Variants in KHDRBS2 observed in about 807,000 individuals in gnomAD.
KHDRBS2 encodes the protein KH RNA binding domain containing, signal transduction associated 2.
KHDRBS2 carries 26 observed loss-of-function variants against 44.3 expected under a neutral mutation model. That is an observed-to-expected ratio of 0.59 (90% confidence interval 0.43 to 0.81). The LOEUF (loss-of-function observed/expected upper bound fraction) is 0.81. KHDRBS2 is among the 40% of genes least tolerant of loss of function. The pLI is 0.00. For synonymous variants in KHDRBS2, 194 were observed against 151.1 expected (o/e 1.28, Z -2.08); for missense variants, 476 against 433.1 (o/e 1.10, Z -0.88).
chr6:61,767,127 G>T (rs2127574752), intron 6 of KHDRBS2, among the ~76,000 whole-genome samples: 1 of 152,022 alleles, frequency 6.6e-6, no homozygotes, highest in African/African-American at 2.4e-5. Flanking sequence ...TTATATATCT[G>T]GGTGCTCCAA....
chr6:61,971,161 A>C (rs569987755), intron 4 of KHDRBS2, among the ~76,000 whole-genome samples: 163 of 152,168 alleles, frequency 1.1e-3, no homozygotes, highest in Non-Finnish European at 1.8e-3. Context: ...ATTTTAAGGC[A>C]TTGTTATATA....
intron 6 of KHDRBS2, among the ~76,000 whole-genome samples, chr6:61,889,215 T>C (rs373112838): frequency 1.3e-5 from 2 of 152,178 alleles, no homozygotes; most frequent in East Asian, 3.9e-4. Flanking sequence ...AATAGAGTCT[T>C]GAGAGGCTGA....
the KHDRBS2 span, among the ~76,000 whole-genome samples, chr6:61,555,145 A>G: frequency 1.3e-5 from 2 of 152,262 alleles, no homozygotes; most frequent in Admixed American, 1.3e-4. Context: ...AATGCCAATG[A>G]GTCATAAATT....
Position 61,945,110 on chromosome 6 carries a change from AAAGT to A in KHDRBS2, c.483+32952_483+32955del, listed in dbSNP as rs1380495987. Among the ~76,000 whole-genome samples the A allele has an allele frequency of 2.2e-4, 10 of 46,274 alleles. 1 individual carries two copies. The highest frequency in any genetic ancestry group is 1.3e-3 in the East Asian group (3 of 2,278). The allele number at this position is 46,274 out of a possible 152,430, so 30.4% of individuals were successfully genotyped here. A position where few individuals can be genotyped will look rare whatever the true frequency, so the allele number is the denominator to read the frequency against. ...TGTCTTAAAAAAAAAAAAAAAAAAAAAAGTATATATATATATATATATATATATA... is the reference window on the plus strand; with the variant it reads ...TGTCTTAAAAAAAAAAAAAAAAAAAAATATATATATATATATATATATATA... On this transcript the variant is annotated intron_variant, in intron 4 of 8. Coordinates refer to ENST00000281156, the MANE Select transcript of KHDRBS2 (RefSeq NM_152688.4).
At chr6:62,052,542 C>A (rs1007915484) in intron 2 of KHDRBS2, among the ~76,000 whole-genome samples, 2 of 146,216 alleles carry the variant, frequency 1.4e-5, no homozygotes, top group Non-Finnish European at 3.0e-5. Flanking sequence ...TGTACACTGG[C>A]AATCCTCAAC....
At chr6:61,940,159 G>A (rs551021103) in intron 4 of KHDRBS2, among the ~76,000 whole-genome samples, 25 of 151,454 alleles carry the variant, frequency 1.7e-4, no homozygotes, top group South Asian at 1.5e-3. Flanking sequence ...TATATTTAAC[G>A]GAACAACAAA....
chr6:61,734,588 T>A (rs75523644), intron 6 of KHDRBS2, among the ~76,000 whole-genome samples: 4,559 of 152,158 alleles, frequency 0.03, 230 homozygotes, highest in African/African-American at 0.1. Flanking sequence ...CCCAATATAG[T>A]TTCATCATAA....
intron 6 of KHDRBS2, among the ~76,000 whole-genome samples, chr6:61,780,457 C>A (rs1782763978): frequency 1.3e-5 from 2 of 152,146 alleles, no homozygotes; most frequent in Admixed American, 6.6e-5. Flanking sequence ...CACCAGTACA[C>A]TTCAGCCTGG....
chr6:62,178,580 G>T (rs556005132), intron 1 of KHDRBS2, among the ~76,000 whole-genome samples: 137 of 151,646 alleles, frequency 9.0e-4, no homozygotes, highest in African/African-American at 3.3e-3. Flanking sequence ...TTGTCTAGTT[G>T]AGAAACGAGG....
At chr6:61,719,061 A>G (rs1771914795) in intron 7 of KHDRBS2, among the ~76,000 whole-genome samples, 1 of 152,158 alleles carries the variant, frequency 6.6e-6, no homozygotes, top group Non-Finnish European at 1.5e-5. Flanking sequence ...CTCCTAGTAC[A>G]TTCTCCACAG....
the KHDRBS2 span, among the ~76,000 whole-genome samples, chr6:61,557,436 A>G: frequency 6.6e-6 from 1 of 152,240 alleles, no homozygotes; most frequent in Admixed American, 6.5e-5. Context: ...TAAAACAGCA[A>G]TAATATTTTC....
intron 6 of KHDRBS2, among the ~76,000 whole-genome samples, chr6:61,830,358 T>G (rs1381542538): frequency 6.6e-6 from 1 of 152,192 alleles, no homozygotes; most frequent in African/African-American, 2.4e-5. Flanking sequence ...TTGTTAGAGG[T>G]CTTCTCTGAT....
At chr6:62,198,346 AAT>A (rs1219066477) in intron 1 of KHDRBS2, among the ~76,000 whole-genome samples, 1 of 152,190 alleles carries the variant, frequency 6.6e-6, no homozygotes, top group African/African-American at 2.4e-5. Context: ...TAGCAAGACT[AAT>A]AAAGAAGAAA....
intron 3 of KHDRBS2, among the ~76,000 whole-genome samples, chr6:61,990,719 T>C (rs1027137205): frequency 3.9e-5 from 6 of 152,030 alleles, no homozygotes; most frequent in African/African-American, 1.4e-4. Flanking sequence ...TTTTTTTTTT[T>C]TCCTTTTGAG....
chr6:62,122,902 G>C (rs556092519), intron 2 of KHDRBS2, among the ~76,000 whole-genome samples: 1 of 125,646 alleles, frequency 8.0e-6, no homozygotes, highest in South Asian at 2.5e-4. Flanking sequence ...ACTTTTTGAC[G>C]TTTTTTAATA....
At chr6:61,865,419 C>A (rs1318505012) in intron 6 of KHDRBS2, among the ~76,000 whole-genome samples, 1 of 152,082 alleles carries the variant, frequency 6.6e-6, no homozygotes, top group African/African-American at 2.4e-5. Flanking sequence ...TGGATAGCAG[C>A]AGGCAAAAAG....
At chr6:62,002,784 T>C (rs541946500) in intron 3 of KHDRBS2, among the ~76,000 whole-genome samples, 1 of 151,662 alleles carries the variant, frequency 6.6e-6, no homozygotes, top group South Asian at 2.1e-4. Flanking sequence ...AGATAAAATA[T>C]AGTATAGGTT....
chr6:61,592,454 A>C, the KHDRBS2 span, among the ~76,000 whole-genome samples: 371 of 152,278 alleles, frequency 2.4e-3, 2 homozygotes, highest in African/African-American at 8.6e-3. Context: ...AGCAGACCTC[A>C]GAAAGAATAG....
At chr6:62,265,665 A>G (rs1463716392) in intron 1 of KHDRBS2, among the ~76,000 whole-genome samples, 1 of 152,022 alleles carries the variant, frequency 6.6e-6, no homozygotes, top group African/African-American at 2.4e-5. Context: ...CCTTGTGACT[A>G]TTTCACAAAA....
Sources: allele counts gnomAD v4.1 joint callset (sites outside exome capture counted in the v4.1 genomes callset), GRCh38; gene constraint gnomAD v4.1.1; transcripts MANE v1.5; gene names NCBI Gene and HGNC (gene_info 2026-07-23, HGNC 2026-07-21).